OLFM1: variants seen among roughly 807,000 people sequenced by gnomAD.
OLFM1 encodes the protein noelin.
Under a neutral mutation model 49.7 loss-of-function variants are expected in OLFM1, and 9 were observed. That is an observed-to-expected ratio of 0.18 (90% CI 0.11 to 0.32). OLFM1 has a LOEUF of 0.32. Ranked by LOEUF, OLFM1 falls within the 10% of genes least tolerant of loss-of-function variation. The pLI, the probability that OLFM1 is intolerant of heterozygous loss-of-function variation, is 1.00. For missense variants in OLFM1, 369 were observed against 661.8 expected, an observed-to-expected ratio of 0.56 and a Z score of 4.85; for synonymous variants, 240 against 271.8, an observed-to-expected ratio of 0.88 and a Z score of 1.15.
chr9:135,076,989 G>A lies in OLFM1; in HGVS notation c.96+1187G>A, dbSNP rs750916940. On this transcript the variant is annotated intron_variant, in intron 1 of 5. Coordinates refer to the OLFM1 transcript ENST00000252854. ...TCCAGCAGTGGGGTTATGTCGTCCC[G>A]CTTACCCTCAGAGCCCTTCTCCTGG... 254 of 1,550,440 alleles carry A rather than the reference G, an allele frequency of 1.6e-4. No homozygotes were observed. In the African/African-American group the frequency reaches 2.1e-3, roughly 13 times the overall value.
chr9:135,078,117 C>A (rs1007521669), intron 1 of OLFM1, among the ~76,000 whole-genome samples: 15 of 152,182 alleles, frequency 9.9e-5, no homozygotes, highest in African/African-American at 3.4e-4. Flanking sequence ...TTTCTTGATT[C>A]CAAAGTTATG....
intron 3 of OLFM1, among the ~76,000 whole-genome samples, chr9:135,097,326 TC>T (rs1291320240): frequency 6.6e-6 from 1 of 152,216 alleles, no homozygotes; most frequent in Non-Finnish European, 1.5e-5. Context: ...ATTTTTGTCC[TC>T]GCATCTGGCT....
chr9:135,100,236 G>C (rs1017759285), intron 4 of OLFM1, among the ~76,000 whole-genome samples: 7 of 152,192 alleles, frequency 4.6e-5, no homozygotes, highest in African/African-American at 1.7e-4. Context: ...GGAGTAAAAA[G>C]TTGCAAATAG....
rs781782353 is a variant in OLFM1 at position 135,106,740 on chromosome 9, C to T, written c.677-9C>T. 1.5e-5 allele frequency: 24 copies of T among 1,612,514 alleles called. No homozygotes were observed. Among genetic ancestry groups the T allele is most frequent in the Non-Finnish European group, 2.0e-5 (24 of 1,179,368 alleles). Reference sequence around the variant, plus strand: ...CCCTCCCTCTCCTGACCTGCGTGCTCTTTTCCAGCTTGCGGGAAGTTGACG... The same window carrying T: ...CCCTCCCTCTCCTGACCTGCGTGCTTTTTTCCAGCTTGCGGGAAGTTGACG... On this transcript the variant is annotated splice_polypyrimidine_tract_variant and intron_variant, in intron 4 of 5. Transcript: ENST00000371793.
rs1208183737 is a variant in OLFM1 at position 135,113,989 on chromosome 9, G to A, written c.784-5515G>A. On this transcript the variant is annotated intron_variant, in intron 5 of 5. Transcript: ENST00000371793. This position sits in a 1 kb window ranked among gnomAD's most constrained non-coding sequence, Gnocchi z 4.0. ...GCTCCATGTGTTCCTGGCTGTGGCT[G>A]CATCACTCCAGTCTCTGCCTCCGTC... is the stretch of plus-strand genomic sequence containing the variant. 6.6e-6 allele frequency among the ~76,000 whole-genome samples: 1 copy of A among 152,168 alleles called. No individual in the cohort carries two copies.
At chr9:135,107,184 T>TC (rs1480408031) in intron 5 of OLFM1, among the ~76,000 whole-genome samples, 6 of 152,010 alleles carry the variant, frequency 3.9e-5, no homozygotes, top group Non-Finnish European at 7.4e-5. Flanking sequence ...GTGCCCCAAG[T>TC]CCATTTCTCT....
Position 135,098,911 on chromosome 9 carries a change from A to T in OLFM1, c.676+406A>T, listed in dbSNP as rs931937551. On this transcript the variant is annotated intron_variant, in intron 4 of 5. Transcript: ENST00000371793. The surrounding 1 kb of genome is among the most constrained non-coding windows in gnomAD (Gnocchi z 5.6). ...GAGCTCCTGAAATATTGAATCATGC[A>T]TAGTTTGAATAAAAAAGGGAACAAA... 3.9e-5 allele frequency among the ~76,000 whole-genome samples: 6 copies of T among 152,244 alleles called. No individual in the cohort carries two copies. The highest frequency in any genetic ancestry group is 1.2e-4 in the African/African-American group (5 of 41,468).
chr9:135,106,548 G>A (rs1830946199), intron 4 of OLFM1: 4 of 581,630 alleles, frequency 6.9e-6, no homozygotes, highest in Non-Finnish European at 1.2e-5. Flanking sequence ...GCTCTGTTTT[G>A]GGGAGGAGGT....
intron 5 of OLFM1, among the ~76,000 whole-genome samples, chr9:135,107,131 GTGGGCTGGGCTGGGC>G (rs55864915): frequency 0.83 from 125,357 of 151,760 alleles, 52,083 homozygotes; most frequent in African/African-American, 0.87. Context: ...CCCCGGCCCG[GTGGGCTGGGCTGGGC>G]TGGGCTGGGC....
In OLFM1 at chr9:135,080,583, G is replaced by A. The variant is rs552605991; in HGVS notation, c.96+4781G>A. 4.0e-4 allele frequency among the ~76,000 whole-genome samples: 61 copies of A among 152,102 alleles called. 2 individuals carry two copies. Among genetic ancestry groups the A allele is most frequent in the Middle Eastern group, 3.4e-3 (1 of 294 alleles). ...ATCCTGCCCATGAGACAGCTGCTCCGTCTCCTAAAGCAATTTGCTTCTCAT... is the reference window on the plus strand; with the variant it reads ...ATCCTGCCCATGAGACAGCTGCTCCATCTCCTAAAGCAATTTGCTTCTCAT... On this transcript the variant is annotated intron_variant, in intron 1 of 5. Transcript: ENST00000252854. The surrounding 1 kb of genome is among the most constrained non-coding windows in gnomAD (Gnocchi z 4.5).
chr9:135,090,768 C>T (rs1336471659), intron 2 of OLFM1, among the ~76,000 whole-genome samples: 1 of 152,084 alleles, frequency 6.6e-6, no homozygotes, highest in African/African-American at 2.4e-5. Flanking sequence ...CCTTGGAGAG[C>T]GCCCATAGGC....
At chr9:135,118,846 GCTCAC>G (rs1564282504) in intron 5 of OLFM1, among the ~76,000 whole-genome samples, 77 of 106,874 alleles carry the variant, frequency 7.2e-4, no homozygotes, top group African/African-American at 2.9e-3. Flanking sequence ...TCTTTGGAGT[GCTCAC>G]CGGGTCTTTG....
Position 135,098,622 on chromosome 9 carries a change from G to A in OLFM1, c.676+117G>A. The A allele has an allele frequency of 1.2e-6, 1 of 859,886 alleles. No individual in the cohort carries two copies. The highest frequency in any genetic ancestry group is 1.8e-6 in the Non-Finnish European group (1 of 544,570). The allele number at this position is 859,886 out of a possible 1,614,324, so 53.3% of individuals were successfully genotyped here. A position where few individuals can be genotyped will look rare whatever the true frequency, so the allele number is the denominator to read the frequency against. On this transcript the variant is annotated intron_variant, in intron 4 of 5. Coordinates refer to ENST00000371793, the MANE Select transcript of OLFM1 (RefSeq NM_001282611.2). This position sits in a 1 kb window ranked among gnomAD's most constrained non-coding sequence, Gnocchi z 5.6. The stretch of plus-strand genomic sequence containing the variant: ...CGCCTGGCTTCGCGAGGTGATGGCT[G>A]GATTAGGGCTCCTGGGCAGGTCTAC...
chr9:135,118,893 G>C (rs1831141806), intron 5 of OLFM1, among the ~76,000 whole-genome samples: 1 of 149,582 alleles, frequency 6.7e-6, no homozygotes, highest in African/African-American at 2.5e-5. Context: ...AGTGCTTACT[G>C]GGTCTTTGGA....
chr9:135,086,304 A>G (rs1588204082), upstream of OLFM1, among the ~76,000 whole-genome samples: 1 of 152,230 alleles, frequency 6.6e-6, no homozygotes, highest in African/African-American at 2.4e-5. Context: ...AGATTACAGC[A>G]TTAATCAGAA....
chr9:135,096,684 G>T (rs999177942), intron 3 of OLFM1, among the ~76,000 whole-genome samples: 2 of 152,216 alleles, frequency 1.3e-5, no homozygotes, highest in African/African-American at 2.4e-5. Flanking sequence ...TTCTGCAGCT[G>T]CTGCAGGTAA....
intron 4 of OLFM1, among the ~76,000 whole-genome samples, chr9:135,103,910 C>T (rs760859669): frequency 6.6e-6 from 1 of 152,156 alleles, no homozygotes; most frequent in Non-Finnish European, 1.5e-5. Flanking sequence ...ACAGCAGCCC[C>T]CAGGGAAGAG....
chr9:135,086,170 C>A (rs1277687182), upstream of OLFM1, among the ~76,000 whole-genome samples: 1 of 152,196 alleles, frequency 6.6e-6, no homozygotes, highest in African/African-American at 2.4e-5. Context: ...CCAGCCCAAC[C>A]GGACTTGTGT....
At chr9:135,112,415 G>A (rs11103678) in intron 5 of OLFM1, among the ~76,000 whole-genome samples, 7,363 of 152,350 alleles carry the variant, frequency 0.048, 199 homozygotes, top group Non-Finnish European at 0.062. Context: ...CTTCCAGCAC[G>A]AGGATTTTTG....
Sources: allele counts gnomAD v4.1 joint callset (sites outside exome capture counted in the v4.1 genomes callset), GRCh38; gene constraint gnomAD v4.1.1; non-coding constraint Gnocchi (gnomAD v3.1); transcripts MANE v1.5; gene names NCBI Gene and HGNC (gene_info 2026-07-23, HGNC 2026-07-21).